Variants in ATOSA observed in about 807,000 individuals in gnomAD.
The protein encoded by ATOSA is atos homolog A, also known as atos homolog protein A.
At chr15:52,678,132 A>G in the ATOSA span, 2 of 1,330,530 alleles carry the variant, frequency 1.5e-6, no homozygotes, top group Non-Finnish European at 2.2e-6. Context: ...GCTGAAAGAG[A>G]CAAAAATAAA....
At chr15:52,652,150 TTCCTGTCTAC>T in the ATOSA span, 3 of 1,108,066 alleles carry the variant, frequency 2.7e-6, no homozygotes, top group Non-Finnish European at 3.6e-6. Context: ...CCACTACAGC[TTCCTGTCTAC>T]TTGGCAGCAC....
chr15:52,616,837 T>C, the ATOSA span, among the ~76,000 whole-genome samples: 1 of 152,134 alleles, frequency 6.6e-6, no homozygotes, highest in African/African-American at 2.4e-5. Context: ...ACAAGAGACT[T>C]TGTAGACATA....
At chr15:52,669,223 A>C in the ATOSA span, among the ~76,000 whole-genome samples, 452 of 152,192 alleles carry the variant, frequency 3.0e-3, 2 homozygotes, top group South Asian at 0.018. Flanking sequence ...GCCTGGCCTG[A>C]AATTTTTAAT....
the ATOSA span, among the ~76,000 whole-genome samples, chr15:52,669,437 C>T: frequency 6.6e-6 from 1 of 152,126 alleles, no homozygotes. Context: ...CATTCTCTTA[C>T]TGTTATAAAT....
chr15:52,629,070 G>A, the ATOSA span, among the ~76,000 whole-genome samples: 1 of 152,164 alleles, frequency 6.6e-6, no homozygotes, highest in Non-Finnish European at 1.5e-5. Context: ...ATCTATAAGT[G>A]TCCATATTCC....
At chr15:52,650,335 T>C in the ATOSA span, among the ~76,000 whole-genome samples, 3 of 152,320 alleles carry the variant, frequency 2.0e-5, no homozygotes, top group East Asian at 5.8e-4. Flanking sequence ...ATAATTTTTA[T>C]AACTTCTATC....
chr15:52,629,533 G>T, the ATOSA span: 1 of 220,246 alleles, frequency 4.5e-6, no homozygotes, highest in Non-Finnish European at 9.3e-6. Flanking sequence ...GCCAGGCATC[G>T]TGGCTCATGC....
the ATOSA span, among the ~76,000 whole-genome samples, chr15:52,633,973 C>G: frequency 6.6e-6 from 1 of 151,930 alleles, no homozygotes; most frequent in African/African-American, 2.4e-5. Context: ...ATACTATACA[C>G]AAAGTGGCAT....
the ATOSA span, among the ~76,000 whole-genome samples, chr15:52,624,970 G>C: frequency 2.6e-5 from 4 of 151,724 alleles, no homozygotes; most frequent in Non-Finnish European, 5.9e-5. Context: ...GTAGAGATGG[G>C]GTTTTACCAT....
chr15:52,664,342 A>G, the ATOSA span, among the ~76,000 whole-genome samples: 1 of 152,238 alleles, frequency 6.6e-6, no homozygotes, highest in Non-Finnish European at 1.5e-5. Flanking sequence ...TTTAGGGAAT[A>G]CTGGCCCTGT....
chr15:52,605,126 T>A, the ATOSA span: 2 of 1,588,316 alleles, frequency 1.3e-6, no homozygotes, highest in South Asian at 1.1e-5. Context: ...AGAAAAAAAA[T>A]GCTTACAGGG....
the ATOSA span, among the ~76,000 whole-genome samples, chr15:52,595,698 T>C: frequency 6.6e-6 from 1 of 152,190 alleles, no homozygotes; most frequent in South Asian, 2.1e-4. Flanking sequence ...TTTTTGTAGA[T>C]AACACACACA....
chr15:52,605,008 A>T, the ATOSA span: 1 of 660,944 alleles, frequency 1.5e-6, no homozygotes, highest in Non-Finnish European at 2.5e-6. Flanking sequence ...CAAAAAATAA[A>T]ATGTTTCCTT....
the ATOSA span, chr15:52,587,772 C>CAA: frequency 6.6e-6 from 1 of 152,060 alleles, no homozygotes; most frequent in Non-Finnish European, 1.5e-5. Flanking sequence ...ATGTTTAAGA[C>CAA]AAAAAGTGAA....
chr15:52,636,909 T>G, the ATOSA span, among the ~76,000 whole-genome samples: 1 of 152,092 alleles, frequency 6.6e-6, no homozygotes, highest in South Asian at 2.1e-4. Flanking sequence ...TTGGGGAATT[T>G]GGGGATGCAT....
the ATOSA span, among the ~76,000 whole-genome samples, chr15:52,621,792 T>C: frequency 1.3e-5 from 2 of 152,166 alleles, no homozygotes; most frequent in Admixed American, 1.3e-4. Flanking sequence ...TCTTTATAAA[T>C]TACCCAGTCT....
the ATOSA span, among the ~76,000 whole-genome samples, chr15:52,699,576 A>C: frequency 6.6e-6 from 1 of 151,614 alleles, no homozygotes; most frequent in African/African-American, 2.4e-5. Context: ...TCTCCAACAG[A>C]GTAACTCATT....
chr15:52,605,230 T>C, the ATOSA span: 2 of 1,604,406 alleles, frequency 1.2e-6, no homozygotes, highest in African/African-American at 2.7e-5. Flanking sequence ...CACATTTGAA[T>C]GTTTCAGTGT....
the ATOSA span, among the ~76,000 whole-genome samples, chr15:52,672,492 T>C: frequency 1.2e-5 from 1 of 86,420 alleles, no homozygotes; most frequent in East Asian, 3.7e-4. Flanking sequence ...ATTTTGCCTT[T>C]TCATTATCCA....
Sources: allele counts gnomAD v4.1 joint callset (sites outside exome capture counted in the v4.1 genomes callset), GRCh38; gene constraint gnomAD v4.1.1; transcripts MANE v1.5; gene names NCBI Gene and HGNC (gene_info 2026-07-23, HGNC 2026-07-21).